NUMB: variants seen among roughly 807,000 people sequenced by gnomAD.
NUMB encodes NUMB endocytic adaptor protein.
Under a neutral mutation model 59.7 loss-of-function variants are expected in NUMB, and 29 were observed. The observed-to-expected ratio is 0.49, with a 90% CI of 0.36 to 0.66. NUMB has a LOEUF of 0.66. Ranked by LOEUF, NUMB falls within the 30% of genes least tolerant of loss-of-function variation. The pLI is 0.00. For synonymous variants in NUMB, 288 were observed against 288.2 expected (o/e 1.00, Z 0.01); for missense variants, 723 against 822.0 (o/e 0.88, Z 1.47).
intron 2 of NUMB, among the ~76,000 whole-genome samples, chr14:73,397,360 T>C (rs1251611412): frequency 6.6e-6 from 1 of 152,184 alleles, no homozygotes; most frequent in African/African-American, 2.4e-5. Flanking sequence ...TATATATGCA[T>C]GCAGTGGTGT....
chr14:73,372,309 A>ATATATATATATATATATATATTTCTTT (rs1894721977), intron 2 of NUMB, among the ~76,000 whole-genome samples: 6 of 86,866 alleles, frequency 6.9e-5, no homozygotes, highest in Non-Finnish European at 9.9e-5. Context: ...TTTCTTTTAT[A>ATATATATATATATATATATATTTCTTT]TATATATATA....
intron 2 of NUMB, among the ~76,000 whole-genome samples, chr14:73,381,387 T>C (rs535419344): frequency 7.9e-5 from 12 of 152,314 alleles, no homozygotes; most frequent in African/African-American, 2.9e-4. Flanking sequence ...AAATCCTTAA[T>C]ATGGCTTATA....
At chr14:73,333,316 T>G (rs548444178) in intron 4 of NUMB, among the ~76,000 whole-genome samples, 10 of 152,254 alleles carry the variant, frequency 6.6e-5, no homozygotes, top group Non-Finnish European at 1.3e-4. Flanking sequence ...GGCTTTGATT[T>G]GCATTTCGCT....
intron 2 of NUMB, among the ~76,000 whole-genome samples, chr14:73,397,158 C>T (rs866553263): frequency 3.3e-5 from 5 of 149,322 alleles, no homozygotes; most frequent in Admixed American, 2.0e-4. Flanking sequence ...AACAAAATAA[C>T]CACAGATTCC....
At chr14:73,331,960 T>C (rs1892004200) in intron 4 of NUMB, among the ~76,000 whole-genome samples, 1 of 152,230 alleles carries the variant, frequency 6.6e-6, no homozygotes, top group Non-Finnish European at 1.5e-5. Context: ...CGTATTACTA[T>C]CCTAAGACCT....
rs143147360 is a variant in NUMB at position 73,276,524 on chromosome 14, G to A, written c.*54C>T. The A allele has an allele frequency of 2.1e-5, 30 of 1,427,170 alleles. No homozygotes were observed. The African/African-American group carries it at 2.1e-4, about 10-fold the overall frequency. The allele number at this position is 1,427,170 out of a possible 1,614,324, so 88.4% of individuals were successfully genotyped here. A position where few individuals can be genotyped will look rare whatever the true frequency, so the allele number is the denominator to read the frequency against. On this transcript the variant is annotated 3_prime_UTR_variant, in exon 13 of 13. Coordinates refer to ENST00000555238, the MANE Select transcript of NUMB (RefSeq NM_001005743.2). ...CAAAGTCTGTTTTGCTCCTTTGACC[G>A]CTACCCCCTGCTCCCTGTCTGGTAT...
At chr14:73,385,742 T>C (rs920892980) in intron 2 of NUMB, among the ~76,000 whole-genome samples, 3 of 152,000 alleles carry the variant, frequency 2.0e-5, no homozygotes, top group Non-Finnish European at 1.5e-5. Context: ...CCTCAAGTGA[T>C]CCACCAGCCT....
At chr14:73,340,480 A>G (rs970266997) in intron 4 of NUMB, among the ~76,000 whole-genome samples, 5 of 152,138 alleles carry the variant, frequency 3.3e-5, no homozygotes, top group Non-Finnish European at 5.9e-5. Context: ...TGAACATACC[A>G]GATACTTTAC....
In NUMB at chr14:73,292,687, A is replaced by C. The variant is rs529791583; in HGVS notation, c.450+47T>G. 2.8e-5 allele frequency: 44 copies of C among 1,599,498 alleles called. 1 individual carries two copies. The South Asian group carries it at 4.6e-4, about 17-fold the overall frequency. On this transcript the variant is annotated intron_variant, in intron 8 of 12. Transcript: ENST00000555238. ...GGCTGAGCAAACCCAGAAAGAGCCC[A>C]GCTAACTGAGAATACTCATCATGAA...
intron 2 of NUMB, among the ~76,000 whole-genome samples, chr14:73,388,203 C>T (rs1566774668): frequency 6.6e-6 from 1 of 152,148 alleles, no homozygotes; most frequent in Non-Finnish European, 1.5e-5. Context: ...AAATATTGAA[C>T]ATTTTCGTTT....
chr14:73,392,363 G>A (rs553750134), intron 2 of NUMB, among the ~76,000 whole-genome samples: 2 of 152,302 alleles, frequency 1.3e-5, no homozygotes, highest in Admixed American at 1.3e-4. Context: ...AACTAAAACT[G>A]TGAATGAGTG....
At chr14:73,369,153 T>C (rs963635450) in intron 2 of NUMB, among the ~76,000 whole-genome samples, 3 of 151,992 alleles carry the variant, frequency 2.0e-5, no homozygotes, top group African/African-American at 7.3e-5. Flanking sequence ...GTGATTCTCC[T>C]GCCTCGGCCT....
intron 6 of NUMB, among the ~76,000 whole-genome samples, chr14:73,303,694 C>CT (rs1288242437): frequency 6.6e-6 from 1 of 152,122 alleles, no homozygotes; most frequent in East Asian, 1.9e-4. Context: ...CATCGCTGCT[C>CT]TAACACTTTC....
At chr14:73,406,086 A>AT (rs1195710680) in intron 2 of NUMB, among the ~76,000 whole-genome samples, 48 of 74,736 alleles carry the variant, frequency 6.4e-4, no homozygotes, top group African/African-American at 2.2e-3. Flanking sequence ...ATATTAACAT[A>AT]TTTTTGTTTT....
chr14:73,279,201 C>G (rs1280487742), intron 12 of NUMB, 80 bp downstream of exon 12: 32 of 1,532,824 alleles, frequency 2.1e-5, no homozygotes, highest in Non-Finnish European at 2.8e-5. Context: ...CTAGTTCCCA[C>G]TCAGCTAACT....
rs71112737 is a variant in NUMB, at chr14:73,353,072, G to GTT, written c.126+2552_126+2553dup. 3.1e-3 allele frequency among the ~76,000 whole-genome samples: 179 copies of GTT among 58,508 alleles called. 21 individuals are homozygous for GTT. Among genetic ancestry groups the GTT allele is most frequent in the African/African-American group, 6.0e-3 (106 of 17,560 alleles). 38.4% of individuals were successfully genotyped at this position (58,508 alleles called of 152,430 possible). On this transcript the variant is annotated intron_variant, in intron 4 of 12. Coordinates refer to ENST00000555238, the MANE Select transcript of NUMB (RefSeq NM_001005743.2). ...CTTAATGGATGCCACAGTTTTTCTT[G>GTT]TTTTTTTTTTTTTTTTTTTTTTTTT...
At chr14:73,450,743 C>G (rs376610698) in intron 1 of NUMB, among the ~76,000 whole-genome samples, 2 of 150,864 alleles carry the variant, frequency 1.3e-5, no homozygotes, top group South Asian at 4.2e-4. Context: ...GAGCCGAGAT[C>G]GTGCCACAGC....
Position 73,380,838 on chromosome 14 carries a change from C to T in NUMB, c.-100-13857G>A, listed in dbSNP as rs555242257. On this transcript the variant is annotated intron_variant, in intron 2 of 12. Transcript: ENST00000555238. ...CTCCCAGGTTCAAGCAATTCTCCTG[C>T]TTCAACCTCCCAAGTAGCTGGGATT... Among the ~76,000 whole-genome samples the T allele has an allele frequency of 7.3e-5, 11 of 151,640 alleles. No individual in the cohort carries two copies. The South Asian group carries it at 2.3e-3, about 32-fold the overall frequency.
chr14:73,421,171 T>C (rs1897329962), intron 1 of NUMB, among the ~76,000 whole-genome samples: 1 of 151,968 alleles, frequency 6.6e-6, no homozygotes. Flanking sequence ...AAGTTTTTTT[T>C]TGGTGTTTTT....
Sources: allele counts gnomAD v4.1 joint callset (sites outside exome capture counted in the v4.1 genomes callset), GRCh38; gene constraint gnomAD v4.1.1; transcripts MANE v1.5; gene names NCBI Gene and HGNC (gene_info 2026-07-23, HGNC 2026-07-21).